BICC1: variants seen among roughly 807,000 people sequenced by gnomAD.
BICC1 encodes BicC family RNA binding protein 1, also known as protein bicaudal C homolog 1.
BICC1 carries 43 observed loss-of-function variants against 111.0 expected under a neutral mutation model. That is an observed-to-expected ratio of 0.39 (90% confidence interval 0.30 to 0.50). The LOEUF (loss-of-function observed/expected upper bound fraction) is 0.50. Among genes scored for constraint, BICC1 ranks in the 20% least tolerant of loss-of-function variants. The pLI is 0.88. For missense variants in BICC1, 1,091 were observed against 1,203.2 expected (o/e 0.91, Z 1.38); for synonymous variants, 467 against 434.4 (o/e 1.07, Z -0.93).
intron 1 of BICC1, among the ~76,000 whole-genome samples, chr10:58,558,431 A>G (rs1211090009): frequency 1.3e-5 from 2 of 152,118 alleles, no homozygotes; most frequent in African/African-American, 4.8e-5. Context: ...CACAATCTGT[A>G]AGTTCTCCTG....
chr10:58,666,023 A>T (rs1033078854), intron 2 of BICC1, among the ~76,000 whole-genome samples: 4 of 152,220 alleles, frequency 2.6e-5, no homozygotes, highest in African/African-American at 9.6e-5. Context: ...TTGATATATT[A>T]TATTGGTAAA....
chr10:58,664,940 G>T (rs983659473), intron 2 of BICC1, among the ~76,000 whole-genome samples: 2 of 152,104 alleles, frequency 1.3e-5, no homozygotes, highest in African/African-American at 4.8e-5. Context: ...TCCAGTGGTG[G>T]ATGGATTGCT....
chr10:58,814,216 G>A, intron 18 of BICC1: 1 of 624,866 alleles, frequency 1.6e-6, no homozygotes, highest in South Asian at 2.0e-5. Flanking sequence ...CCATACCAAA[G>A]GGCAATTATT....
chr10:58,806,383 T>G (rs1353756438), intron 15 of BICC1, among the ~76,000 whole-genome samples: 1 of 152,136 alleles, frequency 6.6e-6, no homozygotes, highest in Non-Finnish European at 1.5e-5. Context: ...TGGTGATTTA[T>G]TATTACTAAT....
chr10:58,561,225 T>C (rs576337190), intron 1 of BICC1, among the ~76,000 whole-genome samples: 2 of 152,182 alleles, frequency 1.3e-5, no homozygotes, highest in African/African-American at 4.8e-5. Flanking sequence ...GTATCTGGGT[T>C]TTCCAGTGCT....
At chr10:58,806,883 TAAG>T in intron 16 of BICC1, 118 bp from the exon 17 acceptor site, 4 of 927,562 alleles carry the variant, frequency 4.3e-6, no homozygotes, top group Non-Finnish European at 6.4e-6. Flanking sequence ...CATTTTGTGT[TAAG>T]AAATAACATT....
chr10:58,558,307 C>G (rs1388687179), intron 1 of BICC1, among the ~76,000 whole-genome samples: 2 of 152,182 alleles, frequency 1.3e-5, no homozygotes, highest in East Asian at 3.9e-4. Flanking sequence ...CAGCTTTCAC[C>G]TCTTTGCTAT....
upstream of BICC1, among the ~76,000 whole-genome samples, chr10:58,512,458 C>A (rs1180116892): frequency 6.6e-6 from 1 of 152,084 alleles, no homozygotes; most frequent in Non-Finnish European, 1.5e-5. Context: ...GCTTAGTGTG[C>A]GTTCAGGACT....
intron 2 of BICC1, among the ~76,000 whole-genome samples, chr10:58,630,795 G>C (rs1837769928): frequency 6.6e-6 from 1 of 152,126 alleles, no homozygotes; most frequent in Non-Finnish European, 1.5e-5. Context: ...GAGTAGTTTA[G>C]CTCCTCAGTG....
chr10:58,565,363 T>G (rs1262744784), intron 1 of BICC1, among the ~76,000 whole-genome samples: 2 of 152,186 alleles, frequency 1.3e-5, no homozygotes, highest in African/African-American at 4.8e-5. Context: ...TTTGGAATGT[T>G]GAACAGATGC....
intron 1 of BICC1, among the ~76,000 whole-genome samples, chr10:58,620,199 A>C (rs979954089): frequency 1.3e-5 from 2 of 152,208 alleles, no homozygotes; most frequent in African/African-American, 4.8e-5. Flanking sequence ...ATGAACACAG[A>C]CTGAGAAATG....
chr10:58,646,675 C>G (rs566472327), intron 2 of BICC1, among the ~76,000 whole-genome samples: 2 of 151,976 alleles, frequency 1.3e-5, no homozygotes, highest in East Asian at 1.9e-4. Flanking sequence ...AACTCATAGC[C>G]GAAATGACGG....
Position 58,684,607 on chromosome 10 carries a change from G to T in BICC1, c.238-17467G>T, listed in dbSNP as rs141282162. 4.2e-3 allele frequency among the ~76,000 whole-genome samples: 640 copies of T among 152,070 alleles called. 13 individuals carry two copies. The highest frequency in any genetic ancestry group is 0.015 in the African/African-American group (609 of 41,476). On this transcript the variant is annotated intron_variant, in intron 2 of 20. Transcript: ENST00000373886. ...CTTCTTCCTGGTTTAGTCTTGGGAG[G>T]GTGTATGTGTCAAGGAATTTATCCA...
rs1241638049 is a variant in BICC1 at position 58,518,590 on chromosome 10, TGGGG to T, written c.190+5267_190+5270del. Among the ~76,000 whole-genome samples, 123 of 35,350 alleles carry T rather than the reference TGGGG, an allele frequency of 3.5e-3. 1 individual carries two copies. Among genetic ancestry groups the T allele is most frequent in the African/African-American group, 0.015 (116 of 7,960 alleles). 23.2% of individuals were successfully genotyped at this position (35,350 alleles called of 152,430 possible). On this transcript the variant is annotated intron_variant, in intron 1 of 20. Transcript: ENST00000373886. ...GTGAATCCTTTGTGTATGTGTGTGT[TGGGG>T]GGGGGGGGGTGTGTTTGATGTGTTT...
chr10:58,732,302 AAGAG>A lies in BICC1; in HGVS notation c.307+30164_307+30167del, dbSNP rs1841325335. On this transcript the variant is annotated intron_variant, in intron 3 of 20. Coordinates refer to ENST00000373886, the MANE Select transcript of BICC1 (RefSeq NM_001080512.3). Reference sequence around the variant, plus strand: ...AGAGAGAAAGAAGGAGAAGAGAGGAAAGAGAGAGGAGAAGAGGAGAGAGAGAGAG... The same window carrying A: ...AGAGAGAAAGAAGGAGAAGAGAGGAAAGAGGAGAAGAGGAGAGAGAGAGAG... Among the ~76,000 whole-genome samples the A allele has an allele frequency of 1.4e-5, 2 of 141,068 alleles. 1 individual carries two copies. The highest frequency in any genetic ancestry group is 4.8e-4 in the South Asian group (2 of 4,190). The allele number at this position is 141,068 out of a possible 152,430, so 92.5% of individuals were successfully genotyped here.
intron 8 of BICC1, among the ~76,000 whole-genome samples, chr10:58,793,140 A>G (rs1843233404): frequency 6.6e-6 from 1 of 152,234 alleles, no homozygotes. Context: ...GGCAAAGATT[A>G]GTACCCTTGA....
chr10:58,576,236 C>T (rs1297483358), intron 1 of BICC1, among the ~76,000 whole-genome samples: 1 of 152,080 alleles, frequency 6.6e-6, no homozygotes, highest in African/African-American at 2.4e-5. Flanking sequence ...TTCAAAATTC[C>T]AGTGGAATGA....
chr10:58,711,587 C>G (rs1213508778), intron 3 of BICC1, among the ~76,000 whole-genome samples: 3 of 152,136 alleles, frequency 2.0e-5, no homozygotes, highest in Non-Finnish European at 4.4e-5. Context: ...AGGACCTGAG[C>G]TTGGGTTCAT....
At chr10:58,813,489 G>T (rs1389348645) in intron 17 of BICC1, among the ~76,000 whole-genome samples, 1 of 152,092 alleles carries the variant, frequency 6.6e-6, no homozygotes, top group Non-Finnish European at 1.5e-5. Flanking sequence ...TGGAAGATTT[G>T]CTTTTTGGTC....
Sources: gnomAD v4.1 joint callset for allele counts (sites outside exome capture counted in the v4.1 genomes callset) on GRCh38, gnomAD v4.1.1 for gene constraint, MANE v1.5 for transcripts, NCBI Gene and HGNC (gene_info 2026-07-23, HGNC 2026-07-21) for gene names.